Variants in CA12 observed in about 807,000 individuals in gnomAD.
The protein encoded by CA12 is carbonic anhydrase 12, also known as carbonate dehydratase XII.
Under a neutral mutation model 46.8 loss-of-function variants are expected in CA12, and 36 were observed. That is an observed-to-expected ratio of 0.77 (90% confidence interval 0.59 to 1.02). CA12 has a LOEUF of 1.02. Among genes scored for constraint, CA12 ranks in the 50% least tolerant of loss-of-function variants. The pLI is 0.00. For missense variants in CA12, 436 were observed against 451.4 expected (o/e 0.97, Z 0.31); for synonymous variants, 202 against 187.0 (o/e 1.08, Z -0.65).
Position 63,372,631 on chromosome 15 carries a change from C to T in CA12, c.106+3027G>A, listed in dbSNP as rs556282683. On this transcript the variant is annotated intron_variant, in intron 2 of 10. Coordinates refer to ENST00000178638, the MANE Select transcript of CA12 (RefSeq NM_001218.5). This position sits in a 1 kb window ranked among gnomAD's most constrained non-coding sequence, Gnocchi z 4.5. ...TTGGACTTGCCCCATTCAGTGCGGC[C>T]CTTATTGCTTGGAAGCCGTTTCCCT... 2.6e-5 allele frequency among the ~76,000 whole-genome samples: 4 copies of T among 152,254 alleles called. No homozygotes were observed. The East Asian group carries it at 7.7e-4, about 29-fold the overall frequency.
chr15:63,351,114 T>C (rs2039224411), intron 2 of CA12, among the ~76,000 whole-genome samples: 1 of 152,222 alleles, frequency 6.6e-6, no homozygotes, highest in African/African-American at 2.4e-5. Context: ...TTTGCAATAT[T>C]GCAATTAGAG....
In CA12 at chr15:63,325,833, G is replaced by A. The variant is rs11556745; in HGVS notation, c.*452C>T. 9,912 of 215,008 alleles carry A rather than the reference G, an allele frequency of 0.046. 288 individuals carry two copies. The highest frequency in any genetic ancestry group is 0.061 in the Non-Finnish European group (6,404 of 104,640). 13.3% of individuals were successfully genotyped at this position (215,008 alleles called of 1,614,324 possible). A position where few individuals can be genotyped will look rare whatever the true frequency, so the allele number is the denominator to read the frequency against. On this transcript the variant is annotated 3_prime_UTR_variant, in exon 11 of 11. Transcript: ENST00000178638. This position sits in a 1 kb window ranked among gnomAD's most constrained non-coding sequence, Gnocchi z 4.9. The stretch of plus-strand genomic sequence containing the variant: ...CAGAGGGAGATGCCCCGTCTCCAGA[G>A]GAAAGAAGTTGAGTTTCCCAAGCAA...
rs541534756 is a variant in CA12 at position 63,372,372 on chromosome 15, TG to T, written c.106+3285del. 1.3e-3 allele frequency among the ~76,000 whole-genome samples: 191 copies of T among 152,332 alleles called. No homozygotes were observed. The highest frequency in any genetic ancestry group is 2.2e-3 in the Non-Finnish European group (149 of 68,022). On this transcript the variant is annotated intron_variant, in intron 2 of 10. Coordinates refer to ENST00000178638, the MANE Select transcript of CA12 (RefSeq NM_001218.5). The surrounding 1 kb of genome is among the most constrained non-coding windows in gnomAD (Gnocchi z 4.5). The stretch of plus-strand genomic sequence containing the variant: ...TAGGAGGGGCTCAAAGAGGTGGCGC[TG>T]GCCCCATCTTGGCAGTCAGATGGTC...
chr15:63,342,438 G>C (rs1466529211), intron 4 of CA12, among the ~76,000 whole-genome samples: 1 of 152,212 alleles, frequency 6.6e-6, no homozygotes, highest in Non-Finnish European at 1.5e-5. Flanking sequence ...TCGGTTGAGA[G>C]TTATCATCAA....
At chr15:63,377,038 A>G (rs180908583) in intron 1 of CA12, among the ~76,000 whole-genome samples, 30 of 152,252 alleles carry the variant, frequency 2.0e-4, no homozygotes, top group Non-Finnish European at 7.4e-5. Context: ...CCAGAAAGAG[A>G]ACAAAAGTCA....
intron 2 of CA12, among the ~76,000 whole-genome samples, chr15:63,366,454 C>T (rs1454946294): frequency 6.6e-6 from 1 of 152,200 alleles, no homozygotes; most frequent in Non-Finnish European, 1.5e-5. Flanking sequence ...GGTCTCTCTC[C>T]TCTGTACTGT....
At chr15:63,356,546 G>A (rs1356599928) in intron 2 of CA12, among the ~76,000 whole-genome samples, 1 of 148,380 alleles carries the variant, frequency 6.7e-6, no homozygotes, top group East Asian at 2.0e-4. Flanking sequence ...TTTTGAGACA[G>A]AGTCTCTCGC....
chr15:63,377,994 A>T (rs2039598398), intron 1 of CA12, among the ~76,000 whole-genome samples: 1 of 152,250 alleles, frequency 6.6e-6, no homozygotes, highest in African/African-American at 2.4e-5. Context: ...CCATGAACTT[A>T]GGGAATCTTC....
intron 2 of CA12, among the ~76,000 whole-genome samples, chr15:63,347,865 G>A (rs373512748): frequency 6.6e-6 from 1 of 152,120 alleles, no homozygotes; most frequent in Non-Finnish European, 1.5e-5. Context: ...TTCAACACAA[G>A]GAAGGTGGGT....
chr15:63,328,162 T>C lies in CA12; in HGVS notation c.875-32A>G. 6.2e-7 allele frequency: 1 copy of C among 1,608,672 alleles called. No individual in the cohort carries two copies. Among genetic ancestry groups the C allele is most frequent in the Non-Finnish European group, 8.5e-7 (1 of 1,175,114 alleles). ...AGGGGAGAGGAAAAGACGAGGTTACTCTAGAGTCAAACCACACTGGATTTG... is the reference window on the plus strand; with the variant it reads ...AGGGGAGAGGAAAAGACGAGGTTACCCTAGAGTCAAACCACACTGGATTTG... On this transcript the variant is annotated intron_variant, in intron 8 of 10. Transcript: ENST00000178638. The surrounding 1 kb of genome is among the most constrained non-coding windows in gnomAD (Gnocchi z 5.9).
chr15:63,376,659 CTTTT>C, intron 1 of CA12, among the ~76,000 whole-genome samples: 1 of 145,872 alleles, frequency 6.9e-6, no homozygotes, highest in South Asian at 2.2e-4. Flanking sequence ...CTTTCTCTTT[CTTTT>C]TGTGAGACAG....
chr15:63,338,987 C>T (rs1567043360), intron 7 of CA12, 42 bp from the exon 8 acceptor site: 1 of 1,613,066 alleles, frequency 6.2e-7, no homozygotes, highest in South Asian at 1.1e-5. Flanking sequence ...AGAATGACCT[C>T]CTCACCTGAT....
chr15:63,375,662 A>C lies in CA12; in HGVS notation c.102T>G (p.Tyr34Ter). The C allele has an allele frequency of 6.4e-7, 1 of 1,567,922 alleles. No individual in the cohort carries two copies. The highest frequency in any genetic ancestry group is 8.8e-7 in the Non-Finnish European group (1 of 1,140,312). The change falls in exon 2 of 11, where the codon TAT becomes TAG. Residue 34 changes from tyrosine (Y) to a stop codon, truncating the protein, a stop_gained. Coordinates refer to ENST00000178638, the MANE Select transcript of CA12 (RefSeq NM_001218.5). LOFTEE classifies it high-confidence loss of function. ...PAPVNGSKWT[Y>*]FGPDGENSWS... ...GTATTTAAAATCTCTACTTACCAAAATAAGTCCACTTGGAACCTACAAAGA... is the reference window on the plus strand; with the variant it reads ...GTATTTAAAATCTCTACTTACCAAACTAAGTCCACTTGGAACCTACAAAGA...
In CA12 at chr15:63,374,787, G is replaced by A. The variant is rs925281290; in HGVS notation, c.106+871C>T. 4.6e-5 allele frequency among the ~76,000 whole-genome samples: 7 copies of A among 152,190 alleles called. No individual in the cohort carries two copies. The highest frequency in any genetic ancestry group is 8.8e-5 in the Non-Finnish European group (6 of 68,040). On this transcript the variant is annotated intron_variant, in intron 2 of 10. Transcript: ENST00000178638. The surrounding 1 kb of genome is among the most constrained non-coding windows in gnomAD (Gnocchi z 4.4). ...TCCCCGCCCACAGCCATTGCATCCT[G>A]TGGCTTTAACTTTGGCCACAACCCT...
At chr15:63,338,643 G>C (rs1275006280) in intron 8 of CA12, among the ~76,000 whole-genome samples, 176 bp downstream of exon 8, 9 of 152,150 alleles carry the variant, frequency 5.9e-5, no homozygotes, top group African/African-American at 1.2e-4. Context: ...CTCACTGAAG[G>C]GGGGACCCCA....
chr15:63,362,243 C>T (rs1352727219), intron 2 of CA12, among the ~76,000 whole-genome samples: 6 of 152,228 alleles, frequency 3.9e-5, no homozygotes, highest in Admixed American at 6.5e-5. Flanking sequence ...GTAAGCTTAA[C>T]ATGTGTTAAT....
rs752133363 is a variant in CA12, at chr15:63,328,479, G to T, written c.875-349C>A. On this transcript the variant is annotated intron_variant, in intron 8 of 10. Coordinates refer to ENST00000178638, the MANE Select transcript of CA12 (RefSeq NM_001218.5). The surrounding 1 kb of genome is among the most constrained non-coding windows in gnomAD (Gnocchi z 5.9). ...GTCTCCCAAGTAGCTGGGATTACAA[G>T]CACCTGCCACCACACCCAGCTAATT... Among the ~76,000 whole-genome samples, 5 of 151,924 alleles carry T rather than the reference G, an allele frequency of 3.3e-5. No individual in the cohort carries two copies. The highest frequency in any genetic ancestry group is 7.4e-5 in the Non-Finnish European group (5 of 67,968).
At chr15:63,356,136 T>A (rs2152621537) in intron 2 of CA12, among the ~76,000 whole-genome samples, 1 of 152,326 alleles carries the variant, frequency 6.6e-6, no homozygotes, top group South Asian at 2.1e-4. Context: ...CTCACGCCTG[T>A]AATCCCAGCA....
In CA12 at chr15:63,322,616, G is replaced by C. The variant is rs777477318; in HGVS notation, c.*3669C>G. ...CTATGCCTCCCTGATCATTCAGCCA[G>C]TGGATGTGGAATTCAGGGAGATGAG... is the stretch of plus-strand genomic sequence containing the variant. On this transcript the variant is annotated 3_prime_UTR_variant, in exon 11 of 11. Transcript: ENST00000178638. This position sits in a 1 kb window ranked among gnomAD's most constrained non-coding sequence, Gnocchi z 4.1. The C allele has an allele frequency of 6.6e-6, 1 of 152,276 alleles. No individual in the cohort carries two copies. The highest frequency in any genetic ancestry group is 2.4e-5 in the African/African-American group (1 of 41,474). 9.4% of individuals were successfully genotyped at this position (152,276 alleles called of 1,614,324 possible). A position where few individuals can be genotyped will look rare whatever the true frequency, so the allele number is the denominator to read the frequency against.
Sources: gnomAD v4.1 joint callset for allele counts (sites outside exome capture counted in the v4.1 genomes callset) on GRCh38, gnomAD v4.1.1 for gene constraint, Gnocchi (gnomAD v3.1) non-coding constraint, MANE v1.5 for transcripts, NCBI Gene and HGNC (gene_info 2026-07-23, HGNC 2026-07-21) for gene names.